The following RGS8 variants were observed in gnomAD, a reference collection of about 807,000 sequenced individuals.
The protein encoded by RGS8 is regulator of G-protein signaling 8.
A neutral mutation model predicts 21.7 loss-of-function variants in RGS8; 8 were observed. The observed-to-expected ratio is 0.37, with a 90% confidence interval of 0.22 to 0.66. The LOEUF (loss-of-function observed/expected upper bound fraction) is 0.66, where lower values mean the gene tolerates loss of function less well. Among genes scored for constraint, RGS8 ranks in the 30% least tolerant of loss-of-function variants. The probability of loss-of-function intolerance (pLI) is 0.59; values close to 1 mark genes in which losing one functional copy is unlikely to be tolerated. For missense variants in RGS8, 157 were observed against 217.9 expected, an observed-to-expected ratio of 0.72 and a Z score of 1.76; for synonymous variants, 80 against 83.6, an observed-to-expected ratio of 0.96 and a Z score of 0.24.
the RGS8 span, among the ~76,000 whole-genome samples, chr1:182,747,025 C>T: frequency 8.1e-6 from 1 of 122,772 alleles, no homozygotes; most frequent in Non-Finnish European, 1.7e-5. Flanking sequence ...ACTACAGGCA[C>T]GTGTCAACAC....
At chr1:182,708,035 A>C in the RGS8 span, among the ~76,000 whole-genome samples, 1 of 151,852 alleles carries the variant, frequency 6.6e-6, no homozygotes, top group Non-Finnish European at 1.5e-5. Flanking sequence ...TCATCACAAA[A>C]CTCCACGAGA....
the RGS8 span, among the ~76,000 whole-genome samples, chr1:182,708,488 T>C: frequency 6.6e-6 from 1 of 152,220 alleles, no homozygotes; most frequent in Non-Finnish European, 1.5e-5. Context: ...GATGATATAA[T>C]GGCTCAGACA....
upstream of RGS8, among the ~76,000 whole-genome samples, chr1:182,687,586 GA>G (rs2102462478): frequency 6.6e-6 from 1 of 152,240 alleles, no homozygotes. Flanking sequence ...GTTTGGCTGA[GA>G]GGGATAAAAG....
At chr1:182,726,400 G>T in the RGS8 span, among the ~76,000 whole-genome samples, 13 of 152,294 alleles carry the variant, frequency 8.5e-5, no homozygotes, top group African/African-American at 3.1e-4. Flanking sequence ...GCCAGGTGCG[G>T]TGGCTCACGC....
chr1:182,713,741 A>G, the RGS8 span, among the ~76,000 whole-genome samples: 1 of 152,208 alleles, frequency 6.6e-6, no homozygotes. Context: ...AAAGCCATTT[A>G]CTGTGCCTGG....
upstream of RGS8, among the ~76,000 whole-genome samples, chr1:182,674,800 C>A (rs1168515861): frequency 2.6e-5 from 4 of 152,188 alleles, no homozygotes; most frequent in Non-Finnish European, 4.4e-5. Context: ...AGCTACTGCT[C>A]CTGACTTGCT....
chr1:182,655,257 G>A, intron 5 of RGS8, among the ~76,000 whole-genome samples: 1 of 152,232 alleles, frequency 6.6e-6, no homozygotes, highest in Non-Finnish European at 1.5e-5. Context: ...AGGGATGCCT[G>A]TGCCAGTGAC....
chr1:182,666,232 C>T (rs1438497891), intron 4 of RGS8, among the ~76,000 whole-genome samples, 199 bp from the exon 6 acceptor site: 2 of 152,128 alleles, frequency 1.3e-5, no homozygotes, highest in African/African-American at 4.8e-5. Flanking sequence ...AAAAAAACCT[C>T]AAGACTGAAA....
Position 182,666,056 on chromosome 1 carries a change from C to T in RGS8, c.129-23G>A, listed in dbSNP as rs749354606. 3.7e-6 allele frequency: 6 copies of T among 1,603,202 alleles called. No homozygotes were observed. The Admixed American group carries it at 5.0e-5, about 13-fold the overall frequency. On this transcript the variant is annotated intron_variant, in intron 4 of 6. Coordinates refer to ENST00000483095, the Ensembl canonical transcript of RGS8. ...CTCCTAGAAAAAAAGAAACATCTGT[C>T]TTGAATGTTTCTGAAATAACCTCCT...
intron 4 of RGS8, among the ~76,000 whole-genome samples, chr1:182,666,638 T>C (rs531976219): frequency 6.7e-6 from 1 of 150,334 alleles, no homozygotes; most frequent in African/African-American, 2.5e-5. Flanking sequence ...GAGAGATGGA[T>C]GATATGGCTT....
At chr1:182,737,363 A>G in the RGS8 span, among the ~76,000 whole-genome samples, 1 of 152,094 alleles carries the variant, frequency 6.6e-6, no homozygotes. Context: ...ACTTTGCCAT[A>G]TGATGTGGTT....
At chr1:182,668,801 A>T (rs547800161) in intron 3 of RGS8, among the ~76,000 whole-genome samples, 230 of 152,350 alleles carry the variant, frequency 1.5e-3, no homozygotes, top group African/African-American at 5.3e-3. Flanking sequence ...TGCAAATCGC[A>T]GGGTGTCTGA....
intron 5 of RGS8, among the ~76,000 whole-genome samples, chr1:182,649,099 T>C (rs890730299): frequency 2.6e-5 from 4 of 151,608 alleles, no homozygotes; most frequent in African/African-American, 9.7e-5. Context: ...AAAATACGTC[T>C]CATAAAAAAA....
At chr1:182,739,867 G>A in the RGS8 span, among the ~76,000 whole-genome samples, 3 of 152,216 alleles carry the variant, frequency 2.0e-5, no homozygotes, top group South Asian at 6.2e-4. Context: ...CAGAATCTAA[G>A]CAGGGAAGGG....
chr1:182,709,005 G>A, the RGS8 span, among the ~76,000 whole-genome samples: 2 of 152,166 alleles, frequency 1.3e-5, no homozygotes, highest in Non-Finnish European at 2.9e-5. Flanking sequence ...TGACGAAAGC[G>A]CCTTTTCCCA....
intron 5 of RGS8, among the ~76,000 whole-genome samples, chr1:182,652,071 A>C (rs1663047335): frequency 6.6e-6 from 1 of 152,208 alleles, no homozygotes; most frequent in African/African-American, 2.4e-5. Flanking sequence ...GCCCTAAAAG[A>C]CTGTGAATTT....
chr1:182,718,271 C>A, the RGS8 span, among the ~76,000 whole-genome samples: 6 of 152,240 alleles, frequency 3.9e-5, no homozygotes, highest in Admixed American at 3.9e-4. Flanking sequence ...CACAGACTTA[C>A]ATCTGAGTCC....
At chr1:182,694,077 C>G in the RGS8 span, among the ~76,000 whole-genome samples, 1 of 151,282 alleles carries the variant, frequency 6.6e-6, no homozygotes, top group Non-Finnish European at 1.5e-5. Context: ...CCACGACACA[C>G]AGTTTACCTA....
At chr1:182,671,623 G>A (rs757895540) in intron 2 of RGS8, 34 bp downstream of exon 3, 23 of 1,588,744 alleles carry the variant, frequency 1.4e-5, no homozygotes, top group South Asian at 2.2e-5. Context: ...CAGACACCCC[G>A]GAGAAGAAAG....
Sources: gnomAD v4.1 joint callset for allele counts (sites outside exome capture counted in the v4.1 genomes callset) on GRCh38, gnomAD v4.1.1 for gene constraint, MANE v1.5 for transcripts, NCBI Gene and HGNC (gene_info 2026-07-23, HGNC 2026-07-21) for gene names.